SMNDC1: variants seen among roughly 807,000 people sequenced by gnomAD.
The protein encoded by SMNDC1 is survival of motor neuron-related-splicing factor 30.
In SMNDC1, 5 loss-of-function variants were observed where a neutral mutation model predicts 29.2. The observed-to-expected ratio is 0.17, with a 90% confidence interval of 0.09 to 0.36. The LOEUF (loss-of-function observed/expected upper bound fraction) is 0.36, where lower values mean the gene tolerates loss of function less well. Ranked by LOEUF, SMNDC1 falls within the 10% of genes least tolerant of loss-of-function variation. SMNDC1 has a pLI of 1.00. For synonymous variants in SMNDC1, 80 were observed against 89.9 expected, an observed-to-expected ratio of 0.89 and a Z score of 0.62; for missense variants, 142 against 268.5, an observed-to-expected ratio of 0.53 and a Z score of 3.29.
At chr10:110,295,419 T>TGTATG in intron 4 of SMNDC1, 38 bp from the exon 5 acceptor site, 1 of 1,529,234 alleles carries the variant, frequency 6.5e-7, no homozygotes, top group Non-Finnish European at 8.7e-7. Context: ...TGTTAAGACT[T>TGTATG]ATCATACAAG....
At chr10:110,297,230 T>C (rs1206076292) in intron 4 of SMNDC1, among the ~76,000 whole-genome samples, 1 of 152,256 alleles carries the variant, frequency 6.6e-6, no homozygotes, top group Non-Finnish European at 1.5e-5. Flanking sequence ...TCATTAATGA[T>C]GAGTTTTCTT....
chr10:110,296,718 A>T (rs1857566852), intron 4 of SMNDC1, among the ~76,000 whole-genome samples: 1 of 151,980 alleles, frequency 6.6e-6, no homozygotes, highest in African/African-American at 2.4e-5. Flanking sequence ...TATCCCCTCT[A>T]CTTAAAATGT....
chr10:110,303,548 C>A lies in SMNDC1; in HGVS notation c.40G>T (p.Ala14Ser). 6.3e-7 allele frequency: 1 copy of A among 1,581,414 alleles called. No individual in the cohort carries two copies. The highest frequency in any genetic ancestry group is 8.6e-7 in the Non-Finnish European group (1 of 1,167,664). ...DLAKQLASYK[A>S]QLQQVEAALS... ...GCAGCTTCAACTTGCTGGAGCTGAG[C>A]TTTGTAGCTTGCCAGCTGCTTTGCT... Residue 14 changes from alanine to serine, a missense_variant, in exon 2 of 6, where the codon GCT becomes TCT. Physicochemically the swap from Ala to Ser is moderately conservative, Grantham distance 99. This residue lies in a region of SMNDC1 where 20 missense variants were observed against 21.4 expected (regional missense o/e 0.93). Transcript: ENST00000369603.
At position 110,298,696 on chromosome 10, in the gene SMNDC1, G is replaced by T; in HGVS notation, c.215C>A (p.Ser72Ter). ...CATACACTTGTCTCCTACTTTCCAT[G>T]AATGAGTAGGTTGAGTAGAAGCAAA... Reference protein sequence around the residue: ...DSFASTQPTHSWKVGDKCMAV... With the variant: ...DSFASTQPTH The change falls in exon 3 of 6, where the codon TCA (serine) becomes TAA (stop). Residue 72 changes from serine (S) to a stop codon, truncating the protein, a stop_gained. Transcript: ENST00000369603. LOFTEE classifies it high-confidence loss of function. 6.2e-7 allele frequency: 1 copy of T among 1,613,084 alleles called. No homozygotes were observed. Among genetic ancestry groups the T allele is most frequent in the Admixed American group, 1.7e-5 (1 of 59,986 alleles).
intron 5 of SMNDC1, 109 bp downstream of exon 5, chr10:110,295,119 A>G: frequency 3.0e-6 from 3 of 996,742 alleles, no homozygotes; most frequent in Non-Finnish European, 4.4e-6. Context: ...GGAATACAAA[A>G]TCTGAGTTAA....
rs559785148 is a variant in SMNDC1 at position 110,303,152 on chromosome 10, A to G, written c.120+316T>C. Among the ~76,000 whole-genome samples, 179 of 152,348 alleles carry G rather than the reference A, an allele frequency of 1.2e-3. 1 individual carries two copies. In the Middle Eastern group the frequency reaches 0.014, roughly 12 times the overall value. The stretch of plus-strand genomic sequence containing the variant: ...TTCATTTGCCAGGTCTTAAAAACTA[A>G]AAGCGTTTTTCATTGTGAAGTTACA... On this transcript the variant is annotated intron_variant, in intron 2 of 5. Transcript: ENST00000369603.
In SMNDC1 at chr10:110,291,352, G is replaced by C. The variant is rs1192970654; in HGVS notation, c.*2798C>G. The C allele has an allele frequency of 6.6e-6, 1 of 152,120 alleles. No individual in the cohort carries two copies. The highest frequency in any genetic ancestry group is 6.5e-5 in the Admixed American group (1 of 15,270). The allele number at this position is 152,120 out of a possible 1,614,324, so 9.4% of individuals were successfully genotyped here. A position where few individuals can be genotyped will look rare whatever the true frequency, so the allele number is the denominator to read the frequency against. On this transcript the variant is annotated 3_prime_UTR_variant, in exon 6 of 6. Coordinates refer to ENST00000369603, the MANE Select transcript of SMNDC1 (RefSeq NM_005871.4). Reference sequence around the variant, plus strand: ...GAAACATGCCCTAGTATACAAATTAGTTCAAACCTTTAACTAGGAATACTA... The same window carrying C: ...GAAACATGCCCTAGTATACAAATTACTTCAAACCTTTAACTAGGAATACTA...
At chr10:110,295,615 T>C (rs1369793623) in intron 4 of SMNDC1, among the ~76,000 whole-genome samples, 1 of 150,568 alleles carries the variant, frequency 6.6e-6, no homozygotes, top group South Asian at 2.1e-4. Context: ...TTTACCCATA[T>C]AAGGTAAATA....
At chr10:110,299,634 T>C (rs910175327) in intron 2 of SMNDC1, among the ~76,000 whole-genome samples, 9 of 152,256 alleles carry the variant, frequency 5.9e-5, no homozygotes, top group Non-Finnish European at 1.3e-4. Context: ...CTATGCATCT[T>C]ATCTGATCTA....
At chr10:110,299,598 T>C (rs1257116664) in intron 2 of SMNDC1, among the ~76,000 whole-genome samples, 5 of 152,204 alleles carry the variant, frequency 3.3e-5, no homozygotes, top group Non-Finnish European at 7.4e-5. Context: ...CTGTCTACTA[T>C]ATTGTTACTC....
chr10:110,298,760 A>C lies in SMNDC1; in HGVS notation c.151T>G (p.Ser51Ala). 1 of 1,613,716 alleles carries C rather than the reference A, an allele frequency of 6.2e-7. No individual in the cohort carries two copies. The highest frequency in any genetic ancestry group is 8.5e-7 in the Non-Finnish European group (1 of 1,179,760). The change falls in exon 3 of 6, where the codon TCA becomes GCA. Residue 51 changes from serine (S) to alanine (A), a missense_variant. Ser to Ala is a moderately conservative substitution (Grantham distance 99). Coordinates refer to ENST00000369603, the MANE Select transcript of SMNDC1 (RefSeq NM_005871.4). ...GCAAGCGTCTCAGAAGGTTGAGTTG[A>C]CAGAAGGTCTTTGGTTAGTTCTATA... is the stretch of plus-strand genomic sequence containing the variant. ...EVIELTKDLLSTQPSETLASS... is the reference protein window; with the variant it reads ...EVIELTKDLLATQPSETLASS...
Position 110,292,876 on chromosome 10 carries a change from CCCTTTAAGATCCAATT to C in SMNDC1, c.*1258_*1273del, listed in dbSNP as rs1459225294. The C allele has an allele frequency of 2.0e-5, 3 of 152,140 alleles. No homozygotes were observed. The highest frequency in any genetic ancestry group is 7.2e-5 in the African/African-American group (3 of 41,438). 9.4% of individuals were successfully genotyped at this position (152,140 alleles called of 1,614,324 possible). A position where few individuals can be genotyped will look rare whatever the true frequency, so the allele number is the denominator to read the frequency against. On this transcript the variant is annotated 3_prime_UTR_variant, in exon 6 of 6. Coordinates refer to ENST00000369603, the MANE Select transcript of SMNDC1 (RefSeq NM_005871.4). Reference sequence around the variant, plus strand: ...ATCCTATAAACACAGGCCTGGTTTGCCCTTTAAGATCCAATTTCTTCTAATGGAAGGAATACTTAAG... The same window carrying C: ...ATCCTATAAACACAGGCCTGGTTTGCTCTTCTAATGGAAGGAATACTTAAG...
At position 110,291,229 on chromosome 10, in the gene SMNDC1, A is replaced by G. The variant is rs748870937; in HGVS notation, c.*2921T>C. 5.9e-5 allele frequency: 9 copies of G among 152,184 alleles called. No individual in the cohort carries two copies. The highest frequency in any genetic ancestry group is 1.3e-4 in the Non-Finnish European group (9 of 68,034). 9.4% of individuals were successfully genotyped at this position (152,184 alleles called of 1,614,324 possible). ...CGTCAAACAACATACCTTGGCCTGG[A>G]TAAGTCTAAGGTTGGTCCCAGGCCC... is the stretch of plus-strand genomic sequence containing the variant. On this transcript the variant is annotated 3_prime_UTR_variant, in exon 6 of 6. Coordinates refer to ENST00000369603, the MANE Select transcript of SMNDC1 (RefSeq NM_005871.4).
At chr10:110,300,490 G>T in intron 2 of SMNDC1, 1 of 875,022 alleles carries the variant, frequency 1.1e-6, no homozygotes, top group Non-Finnish European at 1.4e-6. Context: ...ATGTGCGTAT[G>T]GACCAAAGTA....
chr10:110,301,894 G>C (rs534075967), intron 2 of SMNDC1, among the ~76,000 whole-genome samples: 1 of 152,298 alleles, frequency 6.6e-6, no homozygotes, highest in South Asian at 2.1e-4. Context: ...GTTCTGCTCA[G>C]ACTCTAATGA....
intron 2 of SMNDC1, among the ~76,000 whole-genome samples, chr10:110,299,355 T>G (rs1341674764): frequency 6.6e-6 from 1 of 152,244 alleles, no homozygotes; most frequent in African/African-American, 2.4e-5. Flanking sequence ...TCACCCCATC[T>G]GGGTAAGCAA....
At chr10:110,295,205 A>G (rs1230206720) in intron 5 of SMNDC1, 23 bp downstream of exon 5, 4 of 1,561,082 alleles carry the variant, frequency 2.6e-6, no homozygotes, top group Middle Eastern at 1.7e-4. Context: ...TCAAATTTAC[A>G]AAGTGTAAAA....
chr10:110,293,278 C>T lies in SMNDC1; in HGVS notation c.*872G>A, dbSNP rs145920120. On this transcript the variant is annotated 3_prime_UTR_variant, in exon 6 of 6. Transcript: ENST00000369603. The stretch of plus-strand genomic sequence containing the variant: ...TGAACATAATATACAGGGAAATTAT[C>T]GTCAGATTAATGCACAAGAAATACA... 6 of 152,536 alleles carry T rather than the reference C, an allele frequency of 3.9e-5. No homozygotes were observed. Among genetic ancestry groups the T allele is most frequent in the East Asian group, 1.9e-4 (1 of 5,188 alleles). 9.4% of individuals were successfully genotyped at this position (152,536 alleles called of 1,614,324 possible). A position where few individuals can be genotyped will look rare whatever the true frequency, so the allele number is the denominator to read the frequency against.
At chr10:110,303,370 G>A (rs1857686723) in intron 2 of SMNDC1, 98 bp downstream of exon 2, 1 of 1,001,512 alleles carries the variant, frequency 1.0e-6, no homozygotes, top group Admixed American at 2.8e-5. Flanking sequence ...ATATACATAG[G>A]GTGGGGTGTA....
Sources: allele counts gnomAD v4.1 joint callset (sites outside exome capture counted in the v4.1 genomes callset), GRCh38; gene constraint gnomAD v4.1.1; regional missense constraint gnomAD v4.1.1; transcripts MANE v1.5; gene names NCBI Gene and HGNC (gene_info 2026-07-23, HGNC 2026-07-21).